The following ANKRD11 variants were observed in gnomAD, a reference collection of about 807,000 sequenced individuals.
ANKRD11 encodes the protein ankyrin repeat domain 11, also known as ankyrin repeat domain-containing protein 11.
Under a neutral mutation model 195.7 loss-of-function variants are expected in ANKRD11, and 17 were observed. The ratio of observed to expected loss-of-function variants is 0.09; its 90% CI spans 0.06 to 0.13. The LOEUF is 0.13. Among genes scored for constraint, ANKRD11 ranks in the 10% least tolerant of loss-of-function variants. The probability of loss-of-function intolerance (pLI) is 1.00; values close to 1 mark genes in which losing one functional copy is unlikely to be tolerated. For synonymous variants in ANKRD11, 1,953 were observed against 1,528.1 expected (o/e 1.28, Z -6.49); for missense variants, 3,735 against 3,566.1 (o/e 1.05, Z -1.21).
chr16:89,479,968 G>A (rs1348412503), intron 1 of ANKRD11, among the ~76,000 whole-genome samples: 3 of 150,196 alleles, frequency 2.0e-5, no homozygotes, highest in East Asian at 2.0e-4. Context: ...AAAACTAGCC[G>A]GGCGTGATGG....
intron 2 of ANKRD11, among the ~76,000 whole-genome samples, chr16:89,396,810 C>A (rs530551681): frequency 1.1e-4 from 17 of 152,256 alleles, no homozygotes; most frequent in Admixed American, 9.8e-4. Context: ...CCTCAGCCTC[C>A]CGAGTAGCTG....
At chr16:89,365,219 G>A (rs141620818) in intron 2 of ANKRD11, among the ~76,000 whole-genome samples, 8 of 152,314 alleles carry the variant, frequency 5.3e-5, no homozygotes, top group Non-Finnish European at 8.8e-5. Flanking sequence ...AGAAGGGGAA[G>A]TTCCAGAGCT....
At chr16:89,409,394 G>A (rs2042031932) in intron 2 of ANKRD11, among the ~76,000 whole-genome samples, 1 of 152,210 alleles carries the variant, frequency 6.6e-6, no homozygotes, top group Non-Finnish European at 1.5e-5. Context: ...CCCATCCTCA[G>A]GCCATTCTTC....
intron 2 of ANKRD11, among the ~76,000 whole-genome samples, chr16:89,335,241 G>A (rs1160995101): frequency 6.6e-6 from 1 of 152,152 alleles, no homozygotes; most frequent in African/African-American, 2.4e-5. Context: ...AGACGCGGGT[G>A]ACAGCCTCAC....
At chr16:89,483,863 T>C (rs1377598042) in intron 1 of ANKRD11, among the ~76,000 whole-genome samples, 1 of 151,918 alleles carries the variant, frequency 6.6e-6, no homozygotes, top group Non-Finnish European at 1.5e-5. Context: ...GCATATTTAA[T>C]ATATTAAGCT....
intron 2 of ANKRD11, among the ~76,000 whole-genome samples, chr16:89,363,231 T>C (rs200843034): frequency 2.6e-5 from 4 of 152,208 alleles, no homozygotes; most frequent in East Asian, 3.8e-4. Flanking sequence ...TAAGTTTTCA[T>C]TTAAAATTTT....
intron 2 of ANKRD11, among the ~76,000 whole-genome samples, chr16:89,379,442 G>A (rs912240581): frequency 1.3e-5 from 2 of 152,356 alleles, no homozygotes; most frequent in East Asian, 1.9e-4. Context: ...CACCCTGTCA[G>A]GGCATCCAAA....
intron 2 of ANKRD11, among the ~76,000 whole-genome samples, chr16:89,341,058 A>T (rs938669937): frequency 1.3e-5 from 2 of 152,232 alleles, no homozygotes; most frequent in African/African-American, 4.8e-5. Flanking sequence ...ATCCTTTAAC[A>T]TATGCCCAGG....
chr16:89,477,396 C>G (rs777798856), intron 1 of ANKRD11, among the ~76,000 whole-genome samples: 114 of 152,090 alleles, frequency 7.5e-4, no homozygotes, highest in Admixed American at 1.3e-3. Flanking sequence ...CACTCTGTCA[C>G]CCAGGCTGGA....
intron 6 of ANKRD11, among the ~76,000 whole-genome samples, 196 bp downstream of exon 6, chr16:89,290,429 G>T (rs866979232): frequency 5.0e-5 from 4 of 79,912 alleles, no homozygotes; most frequent in East Asian, 2.5e-4. Context: ...GGGCTCCAAT[G>T]GGGGGAGGCT....
chr16:89,460,978 C>A (rs183067369), intron 1 of ANKRD11, among the ~76,000 whole-genome samples: 4 of 107,232 alleles, frequency 3.7e-5, no homozygotes, highest in Non-Finnish European at 7.8e-5. Flanking sequence ...GACCCCCCCC[C>A]CCAACAGGAG....
At chr16:89,287,968 C>A (rs1449038540) in intron 7 of ANKRD11, 3 of 469,588 alleles carry the variant, frequency 6.4e-6, no homozygotes, top group Admixed American at 7.5e-5. Flanking sequence ...CGCCGCATCT[C>A]CAGGCAGCAC....
At chr16:89,429,818 G>T (rs1375807774) in intron 1 of ANKRD11, among the ~76,000 whole-genome samples, 1 of 59,028 alleles carries the variant, frequency 1.7e-5, no homozygotes, top group East Asian at 6.0e-4. Flanking sequence ...CAACTCTCGC[G>T]CTCAGACGTT....
Position 89,279,734 on chromosome 16 carries a change from C to A in ANKRD11, c.6808G>T (p.Ala2270Ser), listed in dbSNP as rs1321216591. 2 of 1,536,794 alleles carry A rather than the reference C, an allele frequency of 1.3e-6. No homozygotes were observed. ...AEGPPAASLC[A>S]PDGPAPNTVA... Reference sequence around the variant, plus strand: ...GTGTTCGGGGCGGGGCCGTCAGGGGCACAGAGGGACGCGGCGGGGGGGCCT... The same window carrying A: ...GTGTTCGGGGCGGGGCCGTCAGGGGAACAGAGGGACGCGGCGGGGGGGCCT... Residue 2270 changes from alanine to serine, a missense_variant, in exon 9 of 13, where the codon GCC (alanine) becomes TCC (serine). Physicochemically the swap from Ala to Ser is moderately conservative, Grantham distance 99. Transcript: ENST00000301030. The surrounding 1 kb of genome is among the most constrained non-coding windows in gnomAD (Gnocchi z 5.6).
At chr16:89,343,416 T>A (rs1318101208) in intron 2 of ANKRD11, among the ~76,000 whole-genome samples, 1 of 152,214 alleles carries the variant, frequency 6.6e-6, no homozygotes, top group Non-Finnish European at 1.5e-5. Context: ...AAAGTAAAAA[T>A]CAGCTCAGAT....
intron 2 of ANKRD11, among the ~76,000 whole-genome samples, chr16:89,369,469 C>T (rs1045767874): frequency 3.9e-5 from 6 of 152,216 alleles, no homozygotes; most frequent in Non-Finnish European, 7.3e-5. Flanking sequence ...AGCATGGGTG[C>T]GCCGCAACAG....
chr16:89,465,747 G>T (rs1300826275), intron 1 of ANKRD11, among the ~76,000 whole-genome samples: 1 of 152,112 alleles, frequency 6.6e-6, no homozygotes, highest in African/African-American at 2.4e-5. Context: ...GTCTCGCTCT[G>T]TCGCCCAGGC....
intron 7 of ANKRD11, chr16:89,287,963 C>T: frequency 6.5e-6 from 3 of 463,834 alleles, no homozygotes; most frequent in South Asian, 5.5e-5. Context: ...AGACCCGCCG[C>T]ATCTCCAGGC....
chr16:89,411,648 A>G (rs1484361420), intron 2 of ANKRD11, among the ~76,000 whole-genome samples: 1 of 152,108 alleles, frequency 6.6e-6, no homozygotes, highest in East Asian at 1.9e-4. Flanking sequence ...TCCTGACCTC[A>G]GGCAATCCTC....
Sources: gnomAD v4.1 joint callset for allele counts (sites outside exome capture counted in the v4.1 genomes callset) on GRCh38, gnomAD v4.1.1 for gene constraint, Gnocchi (gnomAD v3.1) non-coding constraint, MANE v1.5 for transcripts, NCBI Gene and HGNC (gene_info 2026-07-23, HGNC 2026-07-21) for gene names.